Variants in BRINP3 observed in about 807,000 individuals in gnomAD.
BRINP3 encodes BMP/retinoic acid-inducible neural-specific protein 3.
In BRINP3, 19 loss-of-function variants were observed where a neutral mutation model predicts 71.0. That is an observed-to-expected ratio of 0.27 (90% CI 0.19 to 0.39). BRINP3 has a LOEUF of 0.39. BRINP3 is among the 10% of genes least tolerant of loss of function. The pLI, the probability that BRINP3 is intolerant of heterozygous loss-of-function variation, is 1.00. For missense variants in BRINP3, 959 were observed against 940.8 expected (o/e 1.02, Z -0.25); for synonymous variants, 380 against 337.7 (o/e 1.13, Z -1.37).
rs909789878 is a variant in BRINP3 at position 190,463,447 on chromosome 1, A to C, written c.-50-8507T>G. On this transcript the variant is annotated intron_variant, in intron 1 of 7. Transcript: ENST00000367462. ...CAGAACTACAACTAAAAAAAAAGGA[A>C]AAATTATAACATCATTTGCCAAGAA... is the stretch of plus-strand genomic sequence containing the variant. Among the ~76,000 whole-genome samples, 5 of 151,892 alleles carry C rather than the reference A, an allele frequency of 3.3e-5. No homozygotes were observed. The South Asian group carries it at 1.0e-3, about 32-fold the overall frequency.
chr1:190,476,030 AG>A (rs1677477005), intron 1 of BRINP3: 1 of 151,276 alleles, frequency 6.6e-6, no homozygotes, highest in Non-Finnish European at 1.5e-5. Flanking sequence ...GTGACGGGTG[AG>A]GGGCGCCAAG....
chr1:190,250,992 G>C (rs1660083340), intron 4 of BRINP3, among the ~76,000 whole-genome samples: 2 of 151,812 alleles, frequency 1.3e-5, no homozygotes, highest in Admixed American at 6.6e-5. Context: ...GAAGATGGGA[G>C]GATCTCTTGA....
intron 2 of BRINP3, among the ~76,000 whole-genome samples, chr1:190,386,210 C>T: frequency 6.8e-6 from 1 of 147,138 alleles, no homozygotes; most frequent in East Asian, 2.0e-4. Context: ...TGCACATGTA[C>T]CCTAAAACTT....
At chr1:190,303,837 TTAGA>T (rs1176089529) in intron 2 of BRINP3, among the ~76,000 whole-genome samples, 3 of 151,744 alleles carry the variant, frequency 2.0e-5, no homozygotes, top group Admixed American at 2.0e-4. Context: ...AATTACAGGG[TTAGA>T]TAAAGTAAAT....
chr1:190,344,199 A>C (rs1667860456), intron 2 of BRINP3, among the ~76,000 whole-genome samples: 1 of 151,784 alleles, frequency 6.6e-6, no homozygotes, highest in African/African-American at 2.4e-5. Flanking sequence ...TAGTAACTAA[A>C]TTTTTTGAGA....
intron 7 of BRINP3, among the ~76,000 whole-genome samples, chr1:190,110,354 A>G (rs1652558638): frequency 6.6e-6 from 1 of 152,162 alleles, no homozygotes; most frequent in Non-Finnish European, 1.5e-5. Context: ...TTGAGAAAAG[A>G]TATTTTTCTA....
At chr1:190,191,435 G>A (rs752475776) in intron 6 of BRINP3, among the ~76,000 whole-genome samples, 10 of 151,982 alleles carry the variant, frequency 6.6e-5, no homozygotes, top group Non-Finnish European at 1.0e-4. Flanking sequence ...GCCCCAGTGT[G>A]TGTTGTTCCA....
chr1:190,378,584 T>G (rs1307001236), intron 2 of BRINP3, among the ~76,000 whole-genome samples: 3 of 152,234 alleles, frequency 2.0e-5, no homozygotes, highest in African/African-American at 7.2e-5. Flanking sequence ...GTAAAATAAT[T>G]TATCTTTTTA....
At chr1:190,408,165 G>A (rs2102395249) in intron 2 of BRINP3, among the ~76,000 whole-genome samples, 1 of 150,642 alleles carries the variant, frequency 6.6e-6, no homozygotes, top group Admixed American at 6.6e-5. Flanking sequence ...GGGACTACAG[G>A]CGCCCGCCAC....
At chr1:190,392,753 T>A (rs1311881920) in intron 2 of BRINP3, among the ~76,000 whole-genome samples, 1 of 151,630 alleles carries the variant, frequency 6.6e-6, no homozygotes, top group Non-Finnish European at 1.5e-5. Flanking sequence ...TGGCATTCTA[T>A]AAACACCTGA....
chr1:190,363,866 G>A (rs2102141410), intron 2 of BRINP3, among the ~76,000 whole-genome samples: 1 of 152,276 alleles, frequency 6.6e-6, no homozygotes, highest in East Asian at 1.9e-4. Context: ...TACTTTGGAT[G>A]TCCCGAATGA....
intron 4 of BRINP3, among the ~76,000 whole-genome samples, chr1:190,259,047 C>A (rs1388269994): frequency 2.6e-5 from 4 of 151,882 alleles, no homozygotes; most frequent in African/African-American, 9.7e-5. Context: ...GATGGTTTCA[C>A]CACTAAATTC....
intron 6 of BRINP3, among the ~76,000 whole-genome samples, chr1:190,185,549 C>T (rs946734231): frequency 1.4e-4 from 21 of 152,044 alleles, no homozygotes; most frequent in Non-Finnish European, 2.9e-4. Flanking sequence ...AGAAAATTGG[C>T]TAAGCTGGCA....
intron 7 of BRINP3, among the ~76,000 whole-genome samples, chr1:190,112,083 G>C (rs16832038): frequency 0.14 from 21,089 of 151,988 alleles, 2,534 homozygotes; most frequent in African/African-American, 0.29. Flanking sequence ...TTGACCAAAC[G>C]GACAGGTGAT....
At chr1:190,100,832 A>G (rs756046654) in intron 7 of BRINP3, among the ~76,000 whole-genome samples, 7 of 152,182 alleles carry the variant, frequency 4.6e-5, no homozygotes, top group Admixed American at 2.0e-4. Flanking sequence ...TATTAGATTC[A>G]TGGTTTGAAT....
Position 190,264,935 on chromosome 1 carries a change from G to T in BRINP3, c.548C>A (p.Ser183Tyr). The part of the protein sequence containing the change: ...TLETLHQLAA[S>Y]YFIDRDSTLR... ...GGTGCTGTCCCTGTCAATGAAATAA[G>T]AAGCGGCTAGCTGATGTAGCGTCTC... The change falls in exon 4 of 8, where the codon TCT becomes TAT. Residue 183 changes from serine (S) to tyrosine (Y), a missense_variant. Transcript: ENST00000367462. 6.2e-7 allele frequency: 1 copy of T among 1,613,724 alleles called. No homozygotes were observed. Among genetic ancestry groups the T allele is most frequent in the Non-Finnish European group, 8.5e-7 (1 of 1,179,900 alleles).
intron 6 of BRINP3, among the ~76,000 whole-genome samples, chr1:190,196,411 CTT>C (rs1199112379): frequency 1.3e-5 from 2 of 152,102 alleles, no homozygotes; most frequent in Admixed American, 1.3e-4. Context: ...TTCAAATGTG[CTT>C]TGATATGGCC....
At chr1:190,224,232 T>A (rs1292571774) in intron 6 of BRINP3, among the ~76,000 whole-genome samples, 3 of 151,808 alleles carry the variant, frequency 2.0e-5, no homozygotes, top group Admixed American at 1.3e-4. Context: ...ACCACCTGAC[T>A]TCAAATTTAC....
intron 4 of BRINP3, among the ~76,000 whole-genome samples, chr1:190,258,997 T>A (rs767560212): frequency 3.9e-5 from 6 of 152,092 alleles, no homozygotes; most frequent in Non-Finnish European, 5.9e-5. Flanking sequence ...GAGATTGAAC[T>A]AATAACCAAA....
Sources: gnomAD v4.1 joint callset for allele counts (sites outside exome capture counted in the v4.1 genomes callset) on GRCh38, gnomAD v4.1.1 for gene constraint, MANE v1.5 for transcripts, NCBI Gene and HGNC (gene_info 2026-07-23, HGNC 2026-07-21) for gene names.